SLC9A4: variants seen among roughly 807,000 people sequenced by gnomAD.
SLC9A4 encodes sodium/hydrogen exchanger 4.
SLC9A4 carries 63 observed loss-of-function variants against 67.4 expected under a neutral mutation model. The observed-to-expected ratio is 0.93, with a 90% CI of 0.76 to 1.15. The LOEUF is 1.15. SLC9A4 is among the 50% of genes most tolerant of loss of function. The pLI is 0.00. For synonymous variants in SLC9A4, 393 were observed against 367.2 expected (o/e 1.07, Z -0.80); for missense variants, 1,089 against 987.7 (o/e 1.10, Z -1.38).
At chr2:102,503,889 C>T (rs1338065700) in intron 3 of SLC9A4, among the ~76,000 whole-genome samples, 182 bp downstream of exon 3, 1 of 152,178 alleles carries the variant, frequency 6.6e-6, no homozygotes, top group Non-Finnish European at 1.5e-5. Context: ...CCAACGTTCT[C>T]TCCAATGCCT....
intron 2 of SLC9A4, among the ~76,000 whole-genome samples, chr2:102,485,758 C>A (rs1558660782): frequency 6.6e-6 from 1 of 152,202 alleles, no homozygotes; most frequent in Non-Finnish European, 1.5e-5. Context: ...CTGCCCAGGT[C>A]TCTGTTTCCA....
chr2:102,475,347 T>C (rs1345024542), intron 1 of SLC9A4, among the ~76,000 whole-genome samples: 1 of 152,222 alleles, frequency 6.6e-6, no homozygotes, highest in Non-Finnish European at 1.5e-5. Context: ...CTGCTCCCCA[T>C]TCCACAACCT....
rs1473613186 is a variant in SLC9A4 at position 102,533,630 on chromosome 2, C to A, written c.*942C>A. 1 of 133,384 alleles carries A rather than the reference C, an allele frequency of 7.5e-6. No homozygotes were observed. Among genetic ancestry groups the A allele is most frequent in the Non-Finnish European group, 1.6e-5 (1 of 63,100 alleles). The allele number at this position is 133,384 out of a possible 1,614,324, so 8.3% of individuals were successfully genotyped here. On this transcript the variant is annotated 3_prime_UTR_variant, in exon 12 of 12. Coordinates refer to ENST00000295269, the MANE Select transcript of SLC9A4 (RefSeq NM_001011552.4). ...CTAGCATTAGGTGTATCTCCCAATG[C>A]TATCCCTCCCCCCTCCCCCCACCCC...
At chr2:102,523,140 T>A (rs982440386) in intron 9 of SLC9A4, among the ~76,000 whole-genome samples, 1 of 151,958 alleles carries the variant, frequency 6.6e-6, no homozygotes, top group African/African-American at 2.4e-5. Context: ...AGCATTTTTT[T>A]TTTTTTGTAT....
intron 11 of SLC9A4, among the ~76,000 whole-genome samples, chr2:102,528,052 G>A (rs1209802582): frequency 6.6e-6 from 1 of 151,836 alleles, no homozygotes; most frequent in Non-Finnish European, 1.5e-5. Context: ...CTGTCACCCC[G>A]GCTGGAATGC....
At chr2:102,499,739 G>A (rs1477745121) in intron 2 of SLC9A4, among the ~76,000 whole-genome samples, 2 of 152,140 alleles carry the variant, frequency 1.3e-5, no homozygotes, top group Non-Finnish European at 1.5e-5. Context: ...ATAACCTTCT[G>A]CCCACATTCC....
chr2:102,490,768 A>G (rs1265274295), intron 2 of SLC9A4, among the ~76,000 whole-genome samples: 1 of 152,232 alleles, frequency 6.6e-6, no homozygotes, highest in Non-Finnish European at 1.5e-5. Flanking sequence ...TTTTACCATC[A>G]GGATGAACTT....
At chr2:102,519,530 T>C (rs1685352017) in intron 8 of SLC9A4, among the ~76,000 whole-genome samples, 3 of 152,310 alleles carry the variant, frequency 2.0e-5, no homozygotes, top group Admixed American at 6.5e-5. Flanking sequence ...TTTCTAACAA[T>C]TGATTTTTAT....
intron 11 of SLC9A4, among the ~76,000 whole-genome samples, chr2:102,528,445 A>G (rs1573359732): frequency 6.6e-6 from 1 of 151,946 alleles, no homozygotes; most frequent in Non-Finnish European, 1.5e-5. Context: ...AAAAAATCTT[A>G]AAAAGGGACA....
intron 2 of SLC9A4, among the ~76,000 whole-genome samples, chr2:102,483,627 G>A (rs1684513371): frequency 6.6e-6 from 1 of 151,806 alleles, no homozygotes; most frequent in African/African-American, 2.4e-5. Context: ...GAATATTTTA[G>A]GTTATGACAC....
chr2:102,515,522 C>T (rs1685259374), intron 8 of SLC9A4, among the ~76,000 whole-genome samples: 1 of 151,092 alleles, frequency 6.6e-6, no homozygotes, highest in Non-Finnish European at 1.5e-5. Flanking sequence ...CATCACATGG[C>T]TTTAAGGAAA....
Position 102,531,874 on chromosome 2 carries a change from G to T in SLC9A4, c.2039-456G>T, listed in dbSNP as rs376315358. Among the ~76,000 whole-genome samples, 16 of 152,290 alleles carry T rather than the reference G, an allele frequency of 1.1e-4. No homozygotes were observed. In the East Asian group the frequency reaches 1.9e-3, roughly 18 times the overall value. Reference sequence around the variant, plus strand: ...CAGGATTGACTTTTTCTATATCAAAGATTGGAACTCAGATGTAATGCTTTC... The same window carrying T: ...CAGGATTGACTTTTTCTATATCAAATATTGGAACTCAGATGTAATGCTTTC... On this transcript the variant is annotated intron_variant, in intron 11 of 11. Transcript: ENST00000295269.
rs1684274748 is a variant in SLC9A4 at position 102,473,932 on chromosome 2, C to T, written c.173C>T (p.Ser58Phe). 6.2e-7 allele frequency: 1 copy of T among 1,613,932 alleles called. No individual in the cohort carries two copies. Among genetic ancestry groups the T allele is most frequent in the South Asian group, 1.1e-5 (1 of 91,078 alleles). ...AGCTCAGAGCCAGAGGAAGGGATAT[C>T]TGTTTTTGAACTGGATTATGACTAT... ...AASSEPEEGI[S>F]VFELDYDYVQ... is the part of the protein sequence containing the mutation. Residue 58 changes from serine (S) to phenylalanine (F), a missense_variant, in exon 1 of 12, where the codon TCT becomes TTT. Transcript: ENST00000295269.
chr2:102,500,345 G>C (rs1015958353), intron 2 of SLC9A4, among the ~76,000 whole-genome samples: 2 of 152,180 alleles, frequency 1.3e-5, no homozygotes, highest in Admixed American at 6.5e-5. Context: ...CCGACATCTC[G>C]AGTCCAGACT....
intron 8 of SLC9A4, among the ~76,000 whole-genome samples, chr2:102,518,892 G>T (rs1173941691): frequency 6.6e-6 from 1 of 152,018 alleles, no homozygotes; most frequent in Non-Finnish European, 1.5e-5. Flanking sequence ...ACCCATTAAG[G>T]TTTATATCAA....
chr2:102,480,744 T>C (rs1204808784), intron 2 of SLC9A4, among the ~76,000 whole-genome samples: 1 of 152,208 alleles, frequency 6.6e-6, no homozygotes, highest in Non-Finnish European at 1.5e-5. Context: ...TCTGCCTCCT[T>C]GGTAAATGAG....
chr2:102,516,912 C>T (rs1276851036), intron 8 of SLC9A4, among the ~76,000 whole-genome samples: 1 of 152,076 alleles, frequency 6.6e-6, no homozygotes, highest in Non-Finnish European at 1.5e-5. Flanking sequence ...AACGTAACAA[C>T]CATGCAACTT....
chr2:102,507,420 G>T lies in SLC9A4; in HGVS notation c.1199-659G>T, dbSNP rs544830890. ...GTACCTAGGTTATGTGAGCCGCTTG[G>T]GGATGAAAACCAATGTGGTAGAAAA... On this transcript the variant is annotated intron_variant, in intron 4 of 11. Coordinates refer to ENST00000295269, the MANE Select transcript of SLC9A4 (RefSeq NM_001011552.4). Among the ~76,000 whole-genome samples, 9 of 152,242 alleles carry T rather than the reference G, an allele frequency of 5.9e-5. No homozygotes were observed. The East Asian group carries it at 1.7e-3, about 29-fold the overall frequency.
chr2:102,478,252 G>A (rs550446449), intron 1 of SLC9A4, among the ~76,000 whole-genome samples: 1 of 152,290 alleles, frequency 6.6e-6, no homozygotes, highest in Admixed American at 6.5e-5. Flanking sequence ...ATAGATTTTA[G>A]GTGTAGTGAG....
Sources: allele counts gnomAD v4.1 joint callset (sites outside exome capture counted in the v4.1 genomes callset), GRCh38; gene constraint gnomAD v4.1.1; transcripts MANE v1.5; gene names NCBI Gene and HGNC (gene_info 2026-07-23, HGNC 2026-07-21).